The following CELF5 variants were observed in gnomAD, a reference collection of about 807,000 sequenced individuals.
The protein encoded by CELF5 is CUGBP Elav-like family member 5.
In CELF5, 6 loss-of-function variants were observed where a neutral mutation model predicts 54.9. The observed-to-expected ratio is 0.11, with a 90% CI of 0.06 to 0.22. The LOEUF is 0.22. Ranked by LOEUF, CELF5 falls within the 10% of genes least tolerant of loss-of-function variation. The pLI is 1.00. For missense variants in CELF5, 401 were observed against 678.6 expected, an observed-to-expected ratio of 0.59 and a Z score of 4.54; for synonymous variants, 271 against 290.9, an observed-to-expected ratio of 0.93 and a Z score of 0.70.
chr19:3,286,845 TAACACGGGGAAACC>T (rs1489893008), intron 10 of CELF5: 1 of 150,200 alleles, frequency 6.7e-6, no homozygotes, highest in Non-Finnish European at 1.5e-5. Context: ...CCATCCTGGC[TAACACGGGGAAACC>T]CTGTCTCTAC....
rs200163037 is a variant in CELF5 at position 3,290,284 on chromosome 19, A to T, written c.1240A>T (p.Thr414Ser). ...IYHLPQEFGD[T>S]ELTQMFLPFG... is the part of the protein sequence containing the mutation. ...CCACCTCCCCCAGGAGTTTGGAGAC[A>T]CGGAGCTGACGCAGATGTTCCTACC... The change falls in exon 11 of 13, where the codon ACG (threonine) becomes TCG (serine). Residue 414 changes from threonine to serine, a missense_variant. Around this residue, in one of 6 missense-constraint regions of CELF5, gnomAD observed 59 missense variants for 128.8 expected, o/e 0.46. Transcript: ENST00000292672. 7 of 1,614,020 alleles carry T rather than the reference A, an allele frequency of 4.3e-6. No individual in the cohort carries two copies. The highest frequency in any genetic ancestry group is 1.1e-5 in the South Asian group (1 of 91,082).
chr19:3,238,555 C>T (rs2079448673), intron 1 of CELF5, among the ~76,000 whole-genome samples: 1 of 152,154 alleles, frequency 6.6e-6, no homozygotes. Context: ...TCTGGGGACT[C>T]CGGGTGTCCT....
intron 1 of CELF5, among the ~76,000 whole-genome samples, chr19:3,247,855 G>T (rs577418995): frequency 6.6e-6 from 1 of 151,994 alleles, no homozygotes; most frequent in African/African-American, 2.4e-5. Context: ...TCTGCCGCCC[G>T]GGTTCAAACG....
chr19:3,288,093 G>T (rs1431752500), intron 10 of CELF5, among the ~76,000 whole-genome samples: 3 of 152,198 alleles, frequency 2.0e-5, no homozygotes, highest in Non-Finnish European at 4.4e-5. Context: ...ATTTTCTTCT[G>T]AAGGTCAGTG....
At chr19:3,254,790 C>A (rs2079698760) in intron 2 of CELF5, among the ~76,000 whole-genome samples, 1 of 151,778 alleles carries the variant, frequency 6.6e-6, no homozygotes. Context: ...ACCCATTTGC[C>A]CTTTTATCCA....
chr19:3,259,270 C>T (rs781015958), intron 2 of CELF5, among the ~76,000 whole-genome samples: 1 of 152,092 alleles, frequency 6.6e-6, no homozygotes, highest in Non-Finnish European at 1.5e-5. Context: ...CAGGGTGATC[C>T]TGCCCCCGCC....
chr19:3,249,314 T>C (rs1390899208), intron 1 of CELF5, among the ~76,000 whole-genome samples: 1 of 152,154 alleles, frequency 6.6e-6, no homozygotes, highest in Non-Finnish European at 1.5e-5. Flanking sequence ...GTGCAATCCC[T>C]ACCCCACCTT....
At chr19:3,254,440 T>C (rs2079691728) in intron 2 of CELF5, among the ~76,000 whole-genome samples, 1 of 151,660 alleles carries the variant, frequency 6.6e-6, no homozygotes, top group Middle Eastern at 3.4e-3. Flanking sequence ...CGTCCATCCA[T>C]CTACGCATCC....
In CELF5 at chr19:3,271,696, C is replaced by T. The variant is rs976503722; in HGVS notation, c.343-2176C>T. On this transcript the variant is annotated intron_variant, in intron 2 of 12. Transcript: ENST00000292672. ...GGCCTCTGAAGCAGGAGAGGCTCAG[C>T]GAGAGGAGGGAAGCTGAGGGGGTGG... is the stretch of plus-strand genomic sequence containing the variant. Among the ~76,000 whole-genome samples the T allele has an allele frequency of 7.3e-5, 11 of 151,454 alleles. No individual in the cohort carries two copies. The East Asian group carries it at 9.8e-4, about 13-fold the overall frequency.
At position 3,233,651 on chromosome 19, in the gene CELF5, CT is replaced by C. The variant is rs1917378011; in HGVS notation, c.259+8655del. Among the ~76,000 whole-genome samples the C allele has an allele frequency of 2.0e-5, 3 of 152,232 alleles. No individual in the cohort carries two copies. In the South Asian group the frequency reaches 6.2e-4, roughly 32 times the overall value. On this transcript the variant is annotated intron_variant, in intron 1 of 12. Transcript: ENST00000292672. Reference sequence around the variant, plus strand: ...GTGTTGGAGGAACAGCAAGGAGGCCCTTGTGGCTGGAGCAGAGTGAGGAGGG... The same window carrying C: ...GTGTTGGAGGAACAGCAAGGAGGCCCTGTGGCTGGAGCAGAGTGAGGAGGG...
intron 1 of CELF5, among the ~76,000 whole-genome samples, chr19:3,239,206 C>T (rs2079457126): frequency 6.6e-6 from 1 of 152,016 alleles, no homozygotes; most frequent in Non-Finnish European, 1.5e-5. Flanking sequence ...CTCAAGGGAT[C>T]CTCCCGCCTC....
In CELF5 at chr19:3,237,787, C is replaced by T. The variant is rs567859457; in HGVS notation, c.259+12789C>T. 7.9e-5 allele frequency among the ~76,000 whole-genome samples: 12 copies of T among 152,292 alleles called. No individual in the cohort carries two copies. In the South Asian group the frequency reaches 2.3e-3, roughly 29 times the overall value. ...ACTTGAGGCCGGACGCGGTGGCTCA[C>T]GCCTGTAATCCCAGCACTTTGGGAG... On this transcript the variant is annotated intron_variant, in intron 1 of 12. Coordinates refer to ENST00000292672, the MANE Select transcript of CELF5 (RefSeq NM_021938.4).
In CELF5 at chr19:3,228,915, T is replaced by TGTGTGTGTGTGTGC. The variant is rs60732050; in HGVS notation, c.259+3917_259+3918insGTGTGTGTGTGTGC. Among the ~76,000 whole-genome samples the TGTGTGTGTGTGTGC allele has an allele frequency of 2.1e-5, 3 of 143,508 alleles. No homozygotes were observed. Among genetic ancestry groups the TGTGTGTGTGTGTGC allele is most frequent in the South Asian group, 2.3e-4 (1 of 4,412 alleles). The allele number at this position is 143,508 out of a possible 152,430, so 94.1% of individuals were successfully genotyped here. On this transcript the variant is annotated intron_variant, in intron 1 of 12. Transcript: ENST00000292672. The surrounding 1 kb of genome is among the most constrained non-coding windows in gnomAD (Gnocchi z 6.0). ...GTGTGTGTGTGTGTGTGTGTGTGTG[T>TGTGTGTGTGTGTGC]ACGCGGGCGCGCGCCTGGGAAGGAC... is the stretch of plus-strand genomic sequence containing the variant.
intron 2 of CELF5, among the ~76,000 whole-genome samples, chr19:3,263,856 G>C (rs1389634352): frequency 6.6e-6 from 1 of 152,112 alleles, no homozygotes; most frequent in Admixed American, 6.6e-5. Flanking sequence ...AGTGAGCCGA[G>C]ATTGCACCAC....
intron 1 of CELF5, among the ~76,000 whole-genome samples, chr19:3,235,108 G>C (rs963812197): frequency 5.3e-5 from 8 of 151,994 alleles, no homozygotes; most frequent in Admixed American, 3.3e-4. Context: ...TGGCCTCCTT[G>C]CTGTTTCTGC....
chr19:3,225,117 T>A, intron 1 of CELF5, 119 bp downstream of exon 1: 1 of 582,940 alleles, frequency 1.7e-6, no homozygotes. Flanking sequence ...TGCCTGCCTC[T>A]GCCGGAGCAT....
intron 2 of CELF5, among the ~76,000 whole-genome samples, chr19:3,259,367 G>C (rs955604919): frequency 1.3e-5 from 2 of 152,100 alleles, no homozygotes; most frequent in East Asian, 3.9e-4. Context: ...GTGGAGGCCA[G>C]GGACGCTACT....
chr19:3,244,639 G>C (rs1233551998), intron 1 of CELF5, among the ~76,000 whole-genome samples: 2 of 150,936 alleles, frequency 1.3e-5, no homozygotes, highest in African/African-American at 4.9e-5. Context: ...TGTGTGGTGT[G>C]TGTATGTATC....
intron 1 of CELF5, among the ~76,000 whole-genome samples, chr19:3,236,835 A>T (rs1021595222): frequency 2.0e-5 from 3 of 151,392 alleles, no homozygotes; most frequent in African/African-American, 7.3e-5. Flanking sequence ...AATACAAAAA[A>T]CTAGCTGGGT....
Sources: allele counts gnomAD v4.1 joint callset (sites outside exome capture counted in the v4.1 genomes callset), GRCh38; gene constraint gnomAD v4.1.1; regional missense constraint gnomAD v4.1.1; non-coding constraint Gnocchi (gnomAD v3.1); transcripts MANE v1.5; gene names NCBI Gene and HGNC (gene_info 2026-07-23, HGNC 2026-07-21).